Variants in TUSC3 observed in about 807,000 individuals in gnomAD.
TUSC3 encodes tumor suppressor candidate 3, also known as dolichyl-diphosphooligosaccharide--protein glycosyltransferase subunit TUSC3.
A neutral mutation model predicts 44.8 loss-of-function variants in TUSC3; 45 were observed. The observed-to-expected ratio is 1.00, with a 90% CI of 0.79 to 1.29. TUSC3 has a LOEUF of 1.29. Among genes scored for constraint, TUSC3 ranks in the 50% most tolerant of loss-of-function variants. The pLI is 0.00. For missense variants in TUSC3, 519 were observed against 437.9 expected (o/e 1.19, Z -1.65); for synonymous variants, 212 against 152.9 (o/e 1.39, Z -2.85).
At chr8:15,492,062 G>A (rs1159542618) in intron 2 of TUSC3, among the ~76,000 whole-genome samples, 13 of 152,036 alleles carry the variant, frequency 8.6e-5, no homozygotes, top group Non-Finnish European at 1.8e-4. Context: ...CATATTCCTG[G>A]CTATGTCTTA....
upstream of TUSC3, among the ~76,000 whole-genome samples, chr8:15,538,092 A>T (rs1801549809): frequency 6.6e-6 from 1 of 152,210 alleles, no homozygotes; most frequent in African/African-American, 2.4e-5. Context: ...AGGCAATCAC[A>T]AACAGCCAAC....
chr8:15,437,972 T>G (rs1799971640), intron 1 of TUSC3, among the ~76,000 whole-genome samples: 1 of 152,224 alleles, frequency 6.6e-6, no homozygotes, highest in Admixed American at 6.5e-5. Flanking sequence ...GCTTTGGAAC[T>G]GTACAGACAT....
downstream of TUSC3, among the ~76,000 whole-genome samples, chr8:15,769,079 A>G (rs1812397764): frequency 6.6e-6 from 1 of 152,050 alleles, no homozygotes; most frequent in Non-Finnish European, 1.5e-5. Flanking sequence ...AACTACTTTA[A>G]ATTTCATGTG....
intron 2 of TUSC3, among the ~76,000 whole-genome samples, chr8:15,650,353 G>T (rs1490518883): frequency 1.3e-5 from 2 of 152,114 alleles, no homozygotes; most frequent in African/African-American, 4.8e-5. Flanking sequence ...ATTCCCTAGA[G>T]TAAGAGTTGG....
chr8:15,717,796 C>G (rs543677441), intron 6 of TUSC3, among the ~76,000 whole-genome samples: 1 of 152,136 alleles, frequency 6.6e-6, no homozygotes, highest in Non-Finnish European at 1.5e-5. Flanking sequence ...TCCTATAGCA[C>G]CTCTCAAGAA....
chr8:15,849,411 A>T, the TUSC3 span, among the ~76,000 whole-genome samples: 6 of 152,204 alleles, frequency 3.9e-5, no homozygotes, highest in Non-Finnish European at 8.8e-5. Context: ...TGCCTTTCTT[A>T]TAAAGATCTA....
At chr8:15,781,783 C>A in the TUSC3 span, among the ~76,000 whole-genome samples, 1 of 152,118 alleles carries the variant, frequency 6.6e-6, no homozygotes, top group Non-Finnish European at 1.5e-5. Context: ...TGCTTCCAAA[C>A]TCATCTTATG....
At chr8:15,419,812 A>G (rs1799716035) in intron 1 of TUSC3, among the ~76,000 whole-genome samples, 1 of 152,208 alleles carries the variant, frequency 6.6e-6, no homozygotes, top group Non-Finnish European at 1.5e-5. Context: ...AGCCCATTGT[A>G]TGGTAAGAAC....
intron 1 of TUSC3, among the ~76,000 whole-genome samples, chr8:15,597,313 G>T (rs899387413): frequency 6.6e-6 from 1 of 152,060 alleles, no homozygotes; most frequent in African/African-American, 2.4e-5. Flanking sequence ...GTATCATTTG[G>T]TTTATCAGAG....
chr8:15,495,498 C>G (rs1410232630), intron 2 of TUSC3, among the ~76,000 whole-genome samples: 2 of 152,188 alleles, frequency 1.3e-5, no homozygotes, highest in Admixed American at 6.5e-5. Context: ...CTACATATGT[C>G]CTACCTCTAG....
At chr8:15,660,076 C>T (rs1464071115) in intron 4 of TUSC3, among the ~76,000 whole-genome samples, 1 of 152,062 alleles carries the variant, frequency 6.6e-6, no homozygotes, top group Non-Finnish European at 1.5e-5. Context: ...ATTGGTGTAA[C>T]CATACTAATA....
At chr8:15,463,399 A>G (rs1473699912) in intron 1 of TUSC3, among the ~76,000 whole-genome samples, 1 of 152,144 alleles carries the variant, frequency 6.6e-6, no homozygotes, top group Non-Finnish European at 1.5e-5. Context: ...ACATGGGAAA[A>G]TTATTATGTT....
At chr8:15,568,512 T>C (rs1267302717) in intron 1 of TUSC3, among the ~76,000 whole-genome samples, 1 of 152,176 alleles carries the variant, frequency 6.6e-6, no homozygotes, top group Non-Finnish European at 1.5e-5. Flanking sequence ...ATGTCATTTG[T>C]GATTTAAGAT....
In TUSC3 at chr8:15,748,472, T is replaced by C. The variant is rs1457201951; in HGVS notation, c.1028+7T>C. ...ACCACGGCTATCCTTATAGGTAATA[T>C]CTTTATACTAACATGAATGTTTTTA... On this transcript the variant is annotated splice_region_variant and intron_variant, in intron 9 of 10. Coordinates refer to ENST00000503731, the MANE Select transcript of TUSC3 (RefSeq NM_006765.4). The C allele has an allele frequency of 7.0e-6, 11 of 1,573,330 alleles. No individual in the cohort carries two copies. Among genetic ancestry groups the C allele is most frequent in the Non-Finnish European group, 9.6e-6 (11 of 1,143,122 alleles).
chr8:15,684,470 C>T (rs1162866096), intron 6 of TUSC3, among the ~76,000 whole-genome samples: 26 of 152,140 alleles, frequency 1.7e-4, no homozygotes, highest in Admixed American at 1.0e-3. Context: ...GTGGGTCTCC[C>T]GCCAGTGTCT....
intron 2 of TUSC3, among the ~76,000 whole-genome samples, chr8:15,492,794 A>C (rs80279746): frequency 6.7e-6 from 1 of 149,586 alleles, no homozygotes; most frequent in African/African-American, 2.4e-5. Context: ...AAAAAAAAAA[A>C]GTGTAATAAT....
intron 1 of TUSC3, among the ~76,000 whole-genome samples, chr8:15,622,399 C>T (rs1402528756): frequency 1.3e-5 from 2 of 151,870 alleles, no homozygotes; most frequent in Admixed American, 6.6e-5. Flanking sequence ...TCCCAAAGTG[C>T]TAGGATTACA....
intron 5 of TUSC3, among the ~76,000 whole-genome samples, chr8:15,669,213 G>C (rs572730968): frequency 6.6e-6 from 1 of 151,780 alleles, no homozygotes; most frequent in Non-Finnish European, 1.5e-5. Context: ...AACACAAGAA[G>C]AATGAGAAAG....
chr8:15,819,158 T>C, the TUSC3 span, among the ~76,000 whole-genome samples: 20,872 of 152,130 alleles, frequency 0.14, 1,570 homozygotes, highest in East Asian at 0.25. Context: ...CATAGATGGT[T>C]TTCTGGATGT....
Sources: gnomAD v4.1 joint callset for allele counts (sites outside exome capture counted in the v4.1 genomes callset) on GRCh38, gnomAD v4.1.1 for gene constraint, MANE v1.5 for transcripts, NCBI Gene and HGNC (gene_info 2026-07-23, HGNC 2026-07-21) for gene names.